The following WBP1L variants were observed in gnomAD, a reference collection of about 807,000 sequenced individuals.
The protein encoded by WBP1L is WW domain binding protein 1-like.
A neutral mutation model predicts 33.7 loss-of-function variants in WBP1L; 17 were observed. That is an observed-to-expected ratio of 0.50 (90% confidence interval 0.34 to 0.76). The LOEUF (loss-of-function observed/expected upper bound fraction) is 0.76. Ranked by LOEUF, WBP1L falls within the 30% of genes least tolerant of loss-of-function variation. The pLI is 0.01. For synonymous variants in WBP1L, 173 were observed against 190.8 expected, an observed-to-expected ratio of 0.91 and a Z score of 0.77; for missense variants, 389 against 469.4, an observed-to-expected ratio of 0.83 and a Z score of 1.58.
chr10:102,767,128 A>G lies in WBP1L; in HGVS notation c.90+22985A>G, dbSNP rs552367380. 1.1e-4 allele frequency among the ~76,000 whole-genome samples: 17 copies of G among 152,366 alleles called. No individual in the cohort carries two copies. In the South Asian group the frequency reaches 3.5e-3, roughly 32 times the overall value. On this transcript the variant is annotated intron_variant, in intron 1 of 3. Transcript: ENST00000448841. ...GTACTTGATGAAGCTCAAGTTGCAG[A>G]TCCAGTGAGAGCCCATTAACTATTG...
rs1843002172 is a variant in WBP1L, at chr10:102,758,399, A to G, written c.90+14256A>G. On this transcript the variant is annotated intron_variant, in intron 1 of 3. Transcript: ENST00000448841. The stretch of plus-strand genomic sequence containing the variant: ...ATTTTCTTCCCTCCAGTCCCTGGCA[A>G]CCACTCATCTACTTCCTGTTTTTAT... 2.0e-5 allele frequency among the ~76,000 whole-genome samples: 3 copies of G among 152,184 alleles called. No homozygotes were observed. The South Asian group carries it at 6.2e-4, about 32-fold the overall frequency.
intron 3 of WBP1L, 35 bp downstream of exon 3, chr10:102,810,089 G>A: frequency 6.3e-7 from 1 of 1,577,926 alleles, no homozygotes; most frequent in Non-Finnish European, 8.6e-7. Flanking sequence ...CCACCCTCAG[G>A]AGCTCAGGTG....
intron 1 of WBP1L, among the ~76,000 whole-genome samples, chr10:102,756,640 T>C (rs947328014): frequency 9.9e-5 from 15 of 152,164 alleles, no homozygotes; most frequent in African/African-American, 3.1e-4. Context: ...TGTACTTATT[T>C]CTTTTTGCAA....
chr10:102,788,613 A>G (rs1843454025), intron 1 of WBP1L, among the ~76,000 whole-genome samples: 4 of 152,160 alleles, frequency 2.6e-5, no homozygotes, highest in Non-Finnish European at 5.9e-5. Flanking sequence ...AGCCATTTCA[A>G]ATGTCTGCTT....
At chr10:102,766,986 C>T (rs1348057557) in intron 1 of WBP1L, among the ~76,000 whole-genome samples, 1 of 152,172 alleles carries the variant, frequency 6.6e-6, no homozygotes, top group African/African-American at 2.4e-5. Flanking sequence ...TGAGCTGCAG[C>T]CTGCTGATTT....
chr10:102,771,824 AG>A (rs1843190087), intron 1 of WBP1L, among the ~76,000 whole-genome samples: 1 of 147,140 alleles, frequency 6.8e-6, no homozygotes, highest in African/African-American at 2.5e-5. Flanking sequence ...AAAAAAAAAA[AG>A]TTAATCTGAA....
At chr10:102,754,244 C>G (rs899297174) in intron 1 of WBP1L, among the ~76,000 whole-genome samples, 5 of 152,156 alleles carry the variant, frequency 3.3e-5, no homozygotes, top group Non-Finnish European at 7.3e-5. Context: ...TTCTTTTTCC[C>G]TGGATAATTT....
chr10:102,793,142 C>G (rs1424798125), intron 1 of WBP1L, among the ~76,000 whole-genome samples: 2 of 152,134 alleles, frequency 1.3e-5, no homozygotes. Context: ...TTTGAAGATG[C>G]TTGGAAGAAA....
chr10:102,804,934 A>G (rs1792497523), intron 2 of WBP1L, among the ~76,000 whole-genome samples: 1 of 152,160 alleles, frequency 6.6e-6, no homozygotes, highest in Non-Finnish European at 1.5e-5. Flanking sequence ...ATGAAAACCA[A>G]TGCATGAGAT....
intron 1 of WBP1L, among the ~76,000 whole-genome samples, chr10:102,749,227 CAT>C (rs1842899824): frequency 1.3e-5 from 2 of 151,622 alleles, no homozygotes; most frequent in African/African-American, 2.4e-5. Flanking sequence ...AATTTTGAAA[CAT>C]ATTTAATTTT....
chr10:102,791,163 C>G (rs1249254969), intron 1 of WBP1L, among the ~76,000 whole-genome samples: 1 of 152,186 alleles, frequency 6.6e-6, no homozygotes, highest in African/African-American at 2.4e-5. Flanking sequence ...GATCAACAAA[C>G]TACCCCACTT....
chr10:102,757,311 C>T (rs114601403), intron 1 of WBP1L, among the ~76,000 whole-genome samples: 240 of 152,296 alleles, frequency 1.6e-3, no homozygotes, highest in Non-Finnish European at 2.6e-3. Flanking sequence ...CACAAGTCAC[C>T]GCACCCAGCG....
At chr10:102,803,208 C>G (rs993432704) in intron 2 of WBP1L, among the ~76,000 whole-genome samples, 1 of 152,224 alleles carries the variant, frequency 6.6e-6, no homozygotes, top group Admixed American at 6.5e-5. Flanking sequence ...AGGCCTTTTC[C>G]ACTGTGGCAG....
At chr10:102,747,267 G>T (rs529487172) in intron 1 of WBP1L, among the ~76,000 whole-genome samples, 1 of 146,566 alleles carries the variant, frequency 6.8e-6, no homozygotes, top group South Asian at 2.2e-4. Context: ...GGCTGAGGCA[G>T]AAGAATCGCT....
At chr10:102,771,722 C>T (rs1843188687) in intron 1 of WBP1L, among the ~76,000 whole-genome samples, 1 of 150,660 alleles carries the variant, frequency 6.6e-6, no homozygotes, top group South Asian at 2.1e-4. Context: ...GCAGGGGGAT[C>T]GCTTGAACCT....
chr10:102,769,133 A>G (rs7911747), intron 1 of WBP1L, among the ~76,000 whole-genome samples: 109,816 of 152,054 alleles, frequency 0.72, 39,937 homozygotes, highest in East Asian at 0.9. Context: ...TACAAGGTGT[A>G]CGCCGCCATG....
intron 1 of WBP1L, among the ~76,000 whole-genome samples, chr10:102,791,519 C>T (rs920524782): frequency 3.3e-5 from 5 of 152,074 alleles, no homozygotes; most frequent in African/African-American, 1.2e-4. Flanking sequence ...TAGTTCTTGG[C>T]CAGGCACGGT....
intron 3 of WBP1L, among the ~76,000 whole-genome samples, chr10:102,810,678 C>T (rs373875305): frequency 1.8e-4 from 27 of 148,270 alleles, no homozygotes; most frequent in Middle Eastern, 3.5e-3. Context: ...GCGATTCTCC[C>T]GCCTCAGCCT....
intron 1 of WBP1L, among the ~76,000 whole-genome samples, chr10:102,759,699 A>G (rs1329003223): frequency 6.6e-6 from 1 of 152,186 alleles, no homozygotes; most frequent in Non-Finnish European, 1.5e-5. Context: ...TATATTGCCC[A>G]GGCTGGGGAG....
Sources: gnomAD v4.1 joint callset for allele counts (sites outside exome capture counted in the v4.1 genomes callset) on GRCh38, gnomAD v4.1.1 for gene constraint, MANE v1.5 for transcripts, NCBI Gene and HGNC (gene_info 2026-07-23, HGNC 2026-07-21) for gene names.